Variants in SETBP1 observed in about 807,000 individuals in gnomAD.
SETBP1 encodes the protein SET binding protein 1, also known as SET-binding protein.
In SETBP1, 9 loss-of-function variants were observed where a neutral mutation model predicts 101.0. The observed-to-expected ratio is 0.09, with a 90% confidence interval of 0.05 to 0.16. SETBP1 has a LOEUF of 0.16. SETBP1 is among the 10% of genes least tolerant of loss of function. The pLI is 1.00. For synonymous variants in SETBP1, 818 were observed against 788.5 expected, an observed-to-expected ratio of 1.04 and a Z score of -0.63; for missense variants, 1,858 against 2,033.8, an observed-to-expected ratio of 0.91 and a Z score of 1.66.
Position 44,762,138 on chromosome 18 carries a change from C to G in SETBP1, c.486+60306C>G, listed in dbSNP as rs2070664920. Among the ~76,000 whole-genome samples the G allele has an allele frequency of 2.0e-5, 3 of 149,314 alleles. No individual in the cohort carries two copies. In the South Asian group the frequency reaches 6.3e-4, roughly 32 times the overall value. On this transcript the variant is annotated intron_variant, in intron 2 of 5. Coordinates refer to ENST00000649279, the MANE Select transcript of SETBP1 (RefSeq NM_015559.3). Reference sequence around the variant, plus strand: ...GACAGTTCTACCAAGCTTCTAAACACTTTTTTTTTTTTCTTTTTCCTGCTT... The same window carrying G: ...GACAGTTCTACCAAGCTTCTAAACAGTTTTTTTTTTTTCTTTTTCCTGCTT...
chr18:45,033,754 C>A (rs1176227839), intron 4 of SETBP1, among the ~76,000 whole-genome samples: 1 of 152,198 alleles, frequency 6.6e-6, no homozygotes, highest in African/African-American at 2.4e-5. Flanking sequence ...ACATATGGAT[C>A]CCTTGGTGAT....
intron 5 of SETBP1, among the ~76,000 whole-genome samples, chr18:45,058,542 GAA>G (rs1301545433): frequency 2.6e-4 from 39 of 152,300 alleles, no homozygotes; most frequent in African/African-American, 8.4e-4. Context: ...AACAGATGAA[GAA>G]ACAGAGATGG....
In SETBP1 at chr18:44,953,353, T is replaced by G. The variant is rs992943493; in HGVS notation, c.4000+13T>G. 1 of 1,608,848 alleles carries G rather than the reference T, an allele frequency of 6.2e-7. No individual in the cohort carries two copies. Among genetic ancestry groups the G allele is most frequent in the Non-Finnish European group, 8.5e-7 (1 of 1,176,146 alleles). ...TCCATGTCTCCAGGTAAGGCTGTTTTTCTTCAGAAATGGATTATCAAGTTA... is the reference window on the plus strand; with the variant it reads ...TCCATGTCTCCAGGTAAGGCTGTTTGTCTTCAGAAATGGATTATCAAGTTA... On this transcript the variant is annotated intron_variant, in intron 4 of 5. Coordinates refer to ENST00000649279, the MANE Select transcript of SETBP1 (RefSeq NM_015559.3).
In SETBP1 at chr18:44,952,968, C is replaced by G; in HGVS notation, c.3628C>G (p.Gln1210Glu). The G allele has an allele frequency of 5.0e-6, 8 of 1,614,140 alleles. No homozygotes were observed. Among genetic ancestry groups the G allele is most frequent in the Non-Finnish European group, 6.8e-6 (8 of 1,180,026 alleles). Residue 1210 changes from glutamine to glutamate, a missense_variant, in exon 4 of 6, where the codon CAG (glutamine) becomes GAG (glutamate). By Grantham distance (29) the Gln-to-Glu change is conservative (BLOSUM62 2). Coordinates refer to ENST00000649279, the MANE Select transcript of SETBP1 (RefSeq NM_015559.3). ...VSEKNKHKEKQKHQHSEAGHK... is the reference protein window; with the variant it reads ...VSEKNKHKEKEKHQHSEAGHK... ...TGAGAAGAACAAGCATAAGGAGAAA[C>G]AGAAGCACCAGCACAGCGAAGCCGG...
chr18:44,984,668 AT>A (rs1170572220), intron 4 of SETBP1, among the ~76,000 whole-genome samples: 1 of 152,196 alleles, frequency 6.6e-6, no homozygotes, highest in Non-Finnish European at 1.5e-5. Context: ...TGTGGATTAA[AT>A]GAGGTCACAC....
chr18:44,756,666 C>T (rs2070503649), intron 2 of SETBP1, among the ~76,000 whole-genome samples: 1 of 152,228 alleles, frequency 6.6e-6, no homozygotes, highest in Non-Finnish European at 1.5e-5. Context: ...TTTCCCTTCT[C>T]TTCCCTCCCC....
rs1230692822 is a variant in SETBP1 at position 44,701,794 on chromosome 18, G to A, written c.448G>A (p.Ala150Thr). The change falls in exon 2 of 6, where the codon GCC (alanine) becomes ACC (threonine). Residue 150 changes from alanine to threonine, a missense_variant. By Grantham distance (58) the Ala-to-Thr change is moderately conservative. Transcript: ENST00000649279. ...KVSRAGKNSK[A>T]TKEEERSHSK... ...GTCCCGTGCTGGAAAAAATAGCAAA[G>A]CCACGAAGGAGGAAGAAAGAAGCCA... 2 of 1,590,888 alleles carry A rather than the reference G, an allele frequency of 1.3e-6. No individual in the cohort carries two copies. Among genetic ancestry groups the A allele is most frequent in the Non-Finnish European group, 8.6e-7 (1 of 1,166,580 alleles).
At chr18:44,780,415 CT>C (rs1459133554) in intron 2 of SETBP1, among the ~76,000 whole-genome samples, 1 of 152,182 alleles carries the variant, frequency 6.6e-6, no homozygotes, top group Non-Finnish European at 1.5e-5. Flanking sequence ...ACCTTAGCCA[CT>C]TTTTAGGATA....
Position 44,680,971 on chromosome 18 carries a change from C to G in SETBP1, c.-223C>G, listed in dbSNP as rs909427168. 4 of 151,902 alleles carry G rather than the reference C, an allele frequency of 2.6e-5. No homozygotes were observed. The highest frequency in any genetic ancestry group is 7.3e-5 in the African/African-American group (3 of 41,282). The allele number at this position is 151,902 out of a possible 1,614,324, so 9.4% of individuals were successfully genotyped here. A position where few individuals can be genotyped will look rare whatever the true frequency, so the allele number is the denominator to read the frequency against. On this transcript the variant is annotated 5_prime_UTR_variant, in exon 1 of 6. Transcript: ENST00000649279. ...GGGGGGGGAATGTATCAGAATCTAA[C>G]GTGTCGTTAATAGAAAGAAGAACAG...
At chr18:44,924,302 T>C (rs1438494886) in intron 3 of SETBP1, among the ~76,000 whole-genome samples, 5 of 152,148 alleles carry the variant, frequency 3.3e-5, no homozygotes, top group Non-Finnish European at 7.3e-5. Context: ...GTGAGTCAGA[T>C]GTCATCCACA....
At chr18:44,873,619 G>A (rs2069329921) in intron 3 of SETBP1, among the ~76,000 whole-genome samples, 1 of 152,138 alleles carries the variant, frequency 6.6e-6, no homozygotes, top group Admixed American at 6.5e-5. Flanking sequence ...AGACAACAAT[G>A]GCGATGCTTA....
chr18:44,863,535 G>A (rs146927287), intron 2 of SETBP1, among the ~76,000 whole-genome samples: 415 of 152,288 alleles, frequency 2.7e-3, no homozygotes, highest in Admixed American at 7.9e-3. Flanking sequence ...GTGGGCCTGA[G>A]TTCAACTTCC....
chr18:45,063,251 C>T lies in SETBP1; in HGVS notation c.4344C>T (p.Asn1448=), dbSNP rs766886842. The T allele has an allele frequency of 2.2e-5, 35 of 1,613,634 alleles. No homozygotes were observed. The Admixed American group carries it at 4.8e-4, about 22-fold the overall frequency. ...AGAGACAATCAAAAACAGGCAACAA[C>T]TTCGTGAAGAAGAGGCGCGGGCGTC... The part of the protein sequence containing the change: ...RLQRQSKTGN[N]FVKKRRGRPR... The change falls in exon 6 of 6, where the codon AAC becomes AAT. Residue 1448 remains asparagine, a synonymous_variant. Transcript: ENST00000649279.
intron 2 of SETBP1, among the ~76,000 whole-genome samples, chr18:44,841,444 TGA>T (rs1257281387): frequency 6.6e-6 from 1 of 152,158 alleles, no homozygotes; most frequent in Admixed American, 6.5e-5. Context: ...TCACTAGACA[TGA>T]GTCACTAAAG....
At chr18:44,785,651 C>G (rs1474885952) in intron 2 of SETBP1, among the ~76,000 whole-genome samples, 1 of 152,210 alleles carries the variant, frequency 6.6e-6, no homozygotes, top group Non-Finnish European at 1.5e-5. Context: ...TGTTATTAAT[C>G]TGTCATTTTA....
intron 2 of SETBP1, among the ~76,000 whole-genome samples, chr18:44,809,522 G>C (rs190399667): frequency 6.6e-6 from 1 of 152,208 alleles, no homozygotes; most frequent in Non-Finnish European, 1.5e-5. Context: ...GGGATATATG[G>C]GGAACCAGGC....
intron 2 of SETBP1, among the ~76,000 whole-genome samples, chr18:44,808,184 C>T (rs78051367): frequency 0.03 from 4,557 of 152,246 alleles, 223 homozygotes; most frequent in African/African-American, 0.1. Context: ...TTTCATCTAT[C>T]CACACGATTG....
chr18:44,938,701 C>A (rs1281314536), intron 3 of SETBP1, among the ~76,000 whole-genome samples: 1 of 152,202 alleles, frequency 6.6e-6, no homozygotes, highest in Non-Finnish European at 1.5e-5. Context: ...CGGGCTTCAC[C>A]TTTCTCCCTG....
At chr18:45,055,390 T>C (rs1387059455) in intron 5 of SETBP1, among the ~76,000 whole-genome samples, 1 of 152,194 alleles carries the variant, frequency 6.6e-6, no homozygotes, top group Non-Finnish European at 1.5e-5. Flanking sequence ...TGAGATAAAC[T>C]TGAAATACAT....
Sources: allele counts gnomAD v4.1 joint callset (sites outside exome capture counted in the v4.1 genomes callset), GRCh38; gene constraint gnomAD v4.1.1; transcripts MANE v1.5; gene names NCBI Gene and HGNC (gene_info 2026-07-23, HGNC 2026-07-21).